NRG3: variants seen among roughly 807,000 people sequenced by gnomAD.
NRG3 encodes the protein pro-neuregulin-3, membrane-bound isoform.
A neutral mutation model predicts 66.9 loss-of-function variants in NRG3; 31 were observed. The ratio of observed to expected loss-of-function variants is 0.46; its 90% confidence interval spans 0.35 to 0.63. NRG3 has a LOEUF of 0.63. NRG3 is among the 20% of genes least tolerant of loss of function. The probability of loss-of-function intolerance (pLI) is 0.00; values close to 1 mark genes in which losing one functional copy is unlikely to be tolerated. For synonymous variants in NRG3, 393 were observed against 359.4 expected (o/e 1.09, Z -1.06); for missense variants, 910 against 878.9 (o/e 1.04, Z -0.45).
At chr10:82,592,882 A>G (rs1458775077) in intron 2 of NRG3, among the ~76,000 whole-genome samples, 1 of 152,196 alleles carries the variant, frequency 6.6e-6, no homozygotes, top group Admixed American at 6.5e-5. Flanking sequence ...TGTCCTCCAA[A>G]TCATGCTTCC....
chr10:82,346,779 C>T (rs2083054758), intron 1 of NRG3, among the ~76,000 whole-genome samples: 1 of 151,976 alleles, frequency 6.6e-6, no homozygotes, highest in Admixed American at 6.6e-5. Context: ...CAATTTCTTC[C>T]TGGTTTAGTC....
chr10:82,504,665 A>G (rs1237471091), intron 2 of NRG3, among the ~76,000 whole-genome samples: 1 of 152,214 alleles, frequency 6.6e-6, no homozygotes, highest in Non-Finnish European at 1.5e-5. Context: ...AAATGAATGT[A>G]TTATAATGTG....
intron 1 of NRG3, among the ~76,000 whole-genome samples, chr10:81,907,771 T>C (rs1373844575): frequency 6.6e-6 from 1 of 152,190 alleles, no homozygotes; most frequent in Non-Finnish European, 1.5e-5. Flanking sequence ...TGTTTTAAAA[T>C]AGTAAGGCTT....
At chr10:82,939,350 A>T (rs1166566937) in intron 4 of NRG3, among the ~76,000 whole-genome samples, 1 of 152,252 alleles carries the variant, frequency 6.6e-6, no homozygotes, top group Non-Finnish European at 1.5e-5. Flanking sequence ...GATAATGCAC[A>T]TCTAAAAGCA....
intron 2 of NRG3, among the ~76,000 whole-genome samples, chr10:82,469,209 C>T (rs192504123): frequency 1.3e-5 from 2 of 152,276 alleles, no homozygotes; most frequent in African/African-American, 4.8e-5. Flanking sequence ...CTCCCCTTTT[C>T]CCTCCCTTCC....
At chr10:82,318,885 G>A (rs1227143949) in intron 1 of NRG3, among the ~76,000 whole-genome samples, 1 of 152,130 alleles carries the variant, frequency 6.6e-6, no homozygotes, top group East Asian at 1.9e-4. Flanking sequence ...TGCCGAATGA[G>A]TGAAAAATTC....
At chr10:82,529,015 T>C (rs570860123) in intron 2 of NRG3, among the ~76,000 whole-genome samples, 2 of 152,358 alleles carry the variant, frequency 1.3e-5, no homozygotes, top group East Asian at 3.9e-4. Flanking sequence ...TAATCTGGAA[T>C]GCTTTTGGTA....
At chr10:82,470,796 G>T (rs893530399) in intron 2 of NRG3, among the ~76,000 whole-genome samples, 20 of 152,164 alleles carry the variant, frequency 1.3e-4, no homozygotes, top group African/African-American at 4.8e-4. Context: ...ACAAGTCTCA[G>T]CTCCATTTCC....
intron 1 of NRG3, among the ~76,000 whole-genome samples, chr10:82,036,080 T>C (rs2062779672): frequency 6.6e-6 from 1 of 152,104 alleles, no homozygotes; most frequent in Non-Finnish European, 1.5e-5. Context: ...TGTTCATCTA[T>C]GATTTTCATT....
chr10:82,169,641 T>C (rs1260781962), intron 1 of NRG3, among the ~76,000 whole-genome samples: 1 of 151,940 alleles, frequency 6.6e-6, no homozygotes, highest in South Asian at 2.1e-4. Flanking sequence ...AAAATATTTC[T>C]TTATTTCACC....
At chr10:82,156,518 C>A (rs2071198482) in intron 1 of NRG3, among the ~76,000 whole-genome samples, 4 of 150,908 alleles carry the variant, frequency 2.7e-5, no homozygotes, top group Admixed American at 1.3e-4. Context: ...GTCAATATCA[C>A]CTCCTATTAT....
intron 1 of NRG3, among the ~76,000 whole-genome samples, chr10:82,150,530 C>CAAAAAAAAAAAAAAAAAAAA (rs1188955647): frequency 7.5e-5 from 2 of 26,680 alleles, no homozygotes; most frequent in South Asian, 1.6e-3. Context: ...AGAGCACACA[C>CAAAAAAAAAAAAAAAAAAAA]AAAAAAAAAA....
At chr10:82,749,265 CTGCTCATAGCAT>C in intron 3 of NRG3, among the ~76,000 whole-genome samples, 1 of 152,026 alleles carries the variant, frequency 6.6e-6, no homozygotes, top group South Asian at 2.1e-4. Context: ...GACCTCCACT[CTGCTCATAGCAT>C]GACTCCCCAG....
intron 1 of NRG3, among the ~76,000 whole-genome samples, chr10:82,031,535 G>A (rs73314671): frequency 0.047 from 7,126 of 152,124 alleles, 551 homozygotes; most frequent in African/African-American, 0.16. Context: ...AGTAAGCAAT[G>A]CTAACATATT....
intron 1 of NRG3, among the ~76,000 whole-genome samples, chr10:82,272,646 A>G (rs1422989706): frequency 1.3e-5 from 2 of 152,076 alleles, no homozygotes; most frequent in Non-Finnish European, 2.9e-5. Flanking sequence ...CCTGAATTCA[A>G]AAACTTTTGA....
intron 1 of NRG3, among the ~76,000 whole-genome samples, chr10:82,352,077 G>A (rs573631854): frequency 6.6e-6 from 1 of 152,316 alleles, no homozygotes; most frequent in South Asian, 2.1e-4. Flanking sequence ...ATCTACAATA[G>A]TTAAAAGTCC....
intron 2 of NRG3, among the ~76,000 whole-genome samples, chr10:82,585,600 T>A (rs770651941): frequency 2.0e-5 from 3 of 152,206 alleles, no homozygotes; most frequent in Non-Finnish European, 4.4e-5. Context: ...CACTGCAGAT[T>A]CTTAAATAGC....
intron 4 of NRG3, among the ~76,000 whole-genome samples, chr10:82,883,017 A>G (rs1445061553): frequency 8.5e-5 from 13 of 152,234 alleles, no homozygotes; most frequent in African/African-American, 2.7e-4. Flanking sequence ...AAAATAATCT[A>G]TTTGGAAGAA....
intron 3 of NRG3, among the ~76,000 whole-genome samples, chr10:82,773,660 ATTG>A (rs1442201213): frequency 2.0e-5 from 3 of 151,570 alleles, no homozygotes; most frequent in Non-Finnish European, 2.9e-5. Context: ...TTGGATGCTT[ATTG>A]TTATTATTTT....
Sources: allele counts gnomAD v4.1 joint callset (sites outside exome capture counted in the v4.1 genomes callset), GRCh38; gene constraint gnomAD v4.1.1; transcripts MANE v1.5; gene names NCBI Gene and HGNC (gene_info 2026-07-23, HGNC 2026-07-21).